ZFP2: variants seen among roughly 807,000 people sequenced by gnomAD.
ZFP2 encodes ZFP2 zinc finger protein.
Under a neutral mutation model 36.1 loss-of-function variants are expected in ZFP2, and 33 were observed. The ratio of observed to expected loss-of-function variants is 0.92; its 90% CI spans 0.69 to 1.22. The LOEUF is 1.22. Among genes scored for constraint, ZFP2 ranks in the 50% most tolerant of loss-of-function variants. The pLI is 0.00. For synonymous variants in ZFP2, 170 were observed against 178.0 expected (o/e 0.96, Z 0.36); for missense variants, 522 against 551.4 (o/e 0.95, Z 0.53).
intron 4 of ZFP2, among the ~76,000 whole-genome samples, chr5:178,930,031 A>T (rs1327973821): frequency 6.6e-6 from 1 of 150,882 alleles, no homozygotes; most frequent in Non-Finnish European, 1.5e-5. Context: ...GTGAGGAGGG[A>T]GGTGTTACAC....
At position 178,915,322 on chromosome 5, in the gene ZFP2, C is replaced by CT. The variant is rs769089977; in HGVS notation, c.-223-1220dup. Among the ~76,000 whole-genome samples, 320 of 72,640 alleles carry CT rather than the reference C, an allele frequency of 4.4e-3. 1 individual carries two copies. The highest frequency in any genetic ancestry group is 0.012 in the African/African-American group (214 of 18,556). 47.7% of individuals were successfully genotyped at this position (72,640 alleles called of 152,430 possible). On this transcript the variant is annotated intron_variant, in intron 3 of 4. Coordinates refer to ENST00000361362, the MANE Select transcript of ZFP2 (RefSeq NM_030613.4). ...GGTTAGAACCTAAAGGTTTTTCTTT[C>CT]TTTTTTTTTTTTTTTTTTTTTTTGA...
chr5:178,907,314 T>C (rs1758186046), intron 1 of ZFP2, among the ~76,000 whole-genome samples: 1 of 151,858 alleles, frequency 6.6e-6, no homozygotes, highest in African/African-American at 2.4e-5. Context: ...TAGATACATA[T>C]ATGTGTACAC....
chr5:178,931,867 C>G lies in ZFP2; in HGVS notation c.554C>G (p.Pro185Arg), dbSNP rs1206047415. Reference sequence around the variant, plus strand: ...CAACGAACTCACACCGGAGAGAAACCCTATCAGTGTAAAGAGTGTGGCAAA... The same window carrying G: ...CAACGAACTCACACCGGAGAGAAACGCTATCAGTGTAAAGAGTGTGGCAAA... Reference protein sequence around the residue: ...VHQRTHTGEKPYQCKECGKAF... With the variant: ...VHQRTHTGEKRYQCKECGKAF... Residue 185 changes from proline to arginine, a missense_variant, in exon 5 of 5, where the codon CCC becomes CGC. By Grantham distance (103) the Pro-to-Arg change is moderately radical (BLOSUM62 -2). Transcript: ENST00000361362. 6.2e-7 allele frequency: 1 copy of G among 1,612,728 alleles called. No homozygotes were observed. The highest frequency in any genetic ancestry group is 1.1e-5 in the South Asian group (1 of 91,010).
At chr5:178,896,570 G>A (rs781683923) in intron 1 of ZFP2, among the ~76,000 whole-genome samples, 7 of 152,148 alleles carry the variant, frequency 4.6e-5, no homozygotes, top group Non-Finnish European at 8.8e-5. Context: ...ATAAGAATGG[G>A]GAGGCCAACC....
At chr5:178,930,314 CTTTTTTTTTTTT>C (rs990713790) in intron 4 of ZFP2, among the ~76,000 whole-genome samples, 1 of 71,324 alleles carries the variant, frequency 1.4e-5, no homozygotes, top group African/African-American at 6.0e-5. Flanking sequence ...TTTCCCTTTC[CTTTTTTTTTTTT>C]TTTTTTTTTT....
intron 4 of ZFP2, among the ~76,000 whole-genome samples, chr5:178,921,610 A>G (rs1316206349): frequency 1.3e-5 from 2 of 149,600 alleles, no homozygotes; most frequent in African/African-American, 2.4e-5. Context: ...CTCTCTAAGC[A>G]TTAGAAGTCC....
At chr5:178,925,908 C>G (rs1180615154) in intron 4 of ZFP2, among the ~76,000 whole-genome samples, 1 of 149,098 alleles carries the variant, frequency 6.7e-6, no homozygotes, top group African/African-American at 2.4e-5. Flanking sequence ...AGTGCAGTAG[C>G]ATGATCACGG....
At chr5:178,922,922 AT>A (rs1312688276) in intron 4 of ZFP2, among the ~76,000 whole-genome samples, 4 of 149,504 alleles carry the variant, frequency 2.7e-5, no homozygotes, top group African/African-American at 7.3e-5. Flanking sequence ...AGAAAAAAAA[AT>A]ATTGAAAGCT....
chr5:178,918,193 T>C (rs966157574), intron 4 of ZFP2, among the ~76,000 whole-genome samples: 1 of 152,230 alleles, frequency 6.6e-6, no homozygotes, highest in Admixed American at 6.5e-5. Context: ...TGCTATATCC[T>C]GAGCACCCAG....
chr5:178,916,532 T>A, intron 3 of ZFP2, 33 bp from the exon 4 acceptor site: 1 of 985,366 alleles, frequency 1.0e-6, no homozygotes, highest in Admixed American at 6.1e-5. Context: ...TAGAACATGA[T>A]GATTTGCAAA....
At chr5:178,922,580 A>T in intron 4 of ZFP2, 1 of 1,540,162 alleles carries the variant, frequency 6.5e-7, no homozygotes, top group Non-Finnish European at 9.0e-7. Flanking sequence ...AGCACGTCCT[A>T]TTCCTTGACA....
chr5:178,930,648 A>G (rs1357816018), intron 4 of ZFP2, among the ~76,000 whole-genome samples: 2 of 152,052 alleles, frequency 1.3e-5, no homozygotes, highest in East Asian at 1.9e-4. Context: ...TCCTCATTTT[A>G]TATCTGTGAC....
chr5:178,901,938 A>G (rs1758065554), intron 1 of ZFP2, among the ~76,000 whole-genome samples: 1 of 152,158 alleles, frequency 6.6e-6, no homozygotes. Flanking sequence ...GTTCGAGACC[A>G]GCCTGGCCAA....
intron 4 of ZFP2, among the ~76,000 whole-genome samples, chr5:178,917,825 TA>T: frequency 6.6e-6 from 1 of 152,356 alleles, no homozygotes; most frequent in Middle Eastern, 3.4e-3. Flanking sequence ...AAAACTGATC[TA>T]AAATACTATA....
In ZFP2 at chr5:178,932,760, T is replaced by C; in HGVS notation, c.*61T>C. On this transcript the variant is annotated 3_prime_UTR_variant, in exon 5 of 5. Coordinates refer to ENST00000361362, the MANE Select transcript of ZFP2 (RefSeq NM_030613.4). ...TCTTCAGTAATAATCATATGAGACA[T>C]ACAATGTAGAAACCTAATAAATGTA... The C allele has an allele frequency of 6.6e-7, 1 of 1,510,290 alleles. No individual in the cohort carries two copies. The highest frequency in any genetic ancestry group is 2.3e-5 in the East Asian group (1 of 44,048). The allele number at this position is 1,510,290 out of a possible 1,614,324, so 93.6% of individuals were successfully genotyped here.
chr5:178,931,191 C>T (rs895493389), intron 4 of ZFP2, 46 bp from the exon 5 acceptor site: 9 of 1,477,834 alleles, frequency 6.1e-6, no homozygotes, highest in African/African-American at 4.3e-5. Context: ...TTTCCAGTCT[C>T]CTAGCACAGA....
intron 4 of ZFP2, among the ~76,000 whole-genome samples, chr5:178,928,303 T>A (rs1296187189): frequency 2.0e-5 from 3 of 152,102 alleles, no homozygotes; most frequent in African/African-American, 7.2e-5. Flanking sequence ...ATCCCTAAAG[T>A]CTTAACTCGT....
At position 178,903,487 on chromosome 5, in the gene ZFP2, C is replaced by T. The variant is rs74703716; in HGVS notation, c.-450+7513C>T. ...AAAATACCTGTCTACACCCTTTGCC[C>T]ATTTTTATATTGAGTTATTTACATA... is the stretch of plus-strand genomic sequence containing the variant. On this transcript the variant is annotated intron_variant, in intron 1 of 4. Transcript: ENST00000361362. 4.0e-3 allele frequency among the ~76,000 whole-genome samples: 608 copies of T among 152,274 alleles called. 2 individuals are homozygous for T. Among genetic ancestry groups the T allele is most frequent in the Non-Finnish European group, 6.9e-3 (472 of 68,020 alleles).
intron 1 of ZFP2, chr5:178,910,592 A>T (rs146821920): frequency 2.1e-4 from 95 of 458,318 alleles, no homozygotes; most frequent in African/African-American, 1.8e-3. Flanking sequence ...ACACTTGGTG[A>T]CACACTGGCC....
Sources: allele counts gnomAD v4.1 joint callset (sites outside exome capture counted in the v4.1 genomes callset), GRCh38; gene constraint gnomAD v4.1.1; transcripts MANE v1.5; gene names NCBI Gene and HGNC (gene_info 2026-07-23, HGNC 2026-07-21).